The following CAMTA1 variants were observed in gnomAD, a reference collection of about 807,000 sequenced individuals.
CAMTA1 encodes the protein calmodulin-binding transcription activator 1.
A neutral mutation model predicts 170.9 loss-of-function variants in CAMTA1; 27 were observed. The observed-to-expected ratio is 0.16, with a 90% confidence interval of 0.12 to 0.22. The LOEUF (loss-of-function observed/expected upper bound fraction) is 0.22, where lower values mean the gene tolerates loss of function less well. Among genes scored for constraint, CAMTA1 ranks in the 10% least tolerant of loss-of-function variants. CAMTA1 has a pLI of 1.00. For synonymous variants in CAMTA1, 833 were observed against 891.5 expected, an observed-to-expected ratio of 0.93 and a Z score of 1.17; for missense variants, 1,619 against 2,217.2, an observed-to-expected ratio of 0.73 and a Z score of 5.42.
chr1:7,405,667 C>T lies in CAMTA1; in HGVS notation c.439-62163C>T, dbSNP rs774270107. Among the ~76,000 whole-genome samples the T allele has an allele frequency of 1.4e-4, 22 of 152,296 alleles. No homozygotes were observed. In the South Asian group the frequency reaches 2.7e-3, roughly 19 times the overall value. On this transcript the variant is annotated intron_variant, in intron 5 of 22. Transcript: ENST00000303635. The stretch of plus-strand genomic sequence containing the variant: ...GATTACAGGTGTAAGTCACCATACC[C>T]GGCCTGCAACAAGCTTTGATCTTGA...
rs961882570 is a variant in CAMTA1 at position 6,826,609 on chromosome 1, T to C, written c.234+1399T>C. ...GAAACGTAGATTTGATACCAAATTA[T>C]TATACACGTTAGTTCTAGTTTATTT... On this transcript the variant is annotated intron_variant, in intron 3 of 22. Transcript: ENST00000303635. 5.9e-4 allele frequency among the ~76,000 whole-genome samples: 90 copies of C among 152,240 alleles called. 1 individual carries two copies. The highest frequency in any genetic ancestry group is 9.8e-4 in the Admixed American group (15 of 15,282).
intron 3 of CAMTA1, among the ~76,000 whole-genome samples, chr1:6,833,521 C>T (rs1397179718): frequency 6.6e-6 from 1 of 152,158 alleles, no homozygotes; most frequent in Non-Finnish European, 1.5e-5. Context: ...ACATGAGTAT[C>T]ATACTGACTG....
intron 3 of CAMTA1, among the ~76,000 whole-genome samples, chr1:6,878,168 A>G (rs1208527553): frequency 6.6e-6 from 1 of 152,276 alleles, no homozygotes; most frequent in Non-Finnish European, 1.5e-5. Context: ...TGAGAGTAGC[A>G]ACATTCATGG....
At position 6,785,547 on chromosome 1, in the gene CAMTA1, G is replaced by A. The variant is rs745666229; in HGVS notation, c.17G>A (p.Gly6Glu). 48 of 1,080,628 alleles carry A rather than the reference G, an allele frequency of 4.4e-5. No homozygotes were observed. The highest frequency in any genetic ancestry group is 5.4e-5 in the Non-Finnish European group (47 of 874,298). 66.9% of individuals were successfully genotyped at this position (1,080,628 alleles called of 1,614,324 possible). A position where few individuals can be genotyped will look rare whatever the true frequency, so the allele number is the denominator to read the frequency against. MWRAE[G>E]KWLPKTSRKS... ...AGGAGGAGGATGTGGCGCGCGGAGG[G>A]GAAATGGCTGCCGAAAACAAGCCGG... is the stretch of plus-strand genomic sequence containing the variant. Residue 6 changes from glycine (G) to glutamate (E), a missense_variant, in exon 1 of 23, where the codon GGG becomes GAG. Physicochemically the swap from Gly to Glu is moderately conservative, Grantham distance 98. Around this residue, in one of 8 missense-constraint regions of CAMTA1, gnomAD observed 61 missense variants for 57.7 expected, o/e 1.06. Transcript: ENST00000303635.
intron 4 of CAMTA1, among the ~76,000 whole-genome samples, chr1:7,184,822 C>T (rs1032814430): frequency 1.3e-5 from 2 of 152,112 alleles, no homozygotes; most frequent in African/African-American, 2.4e-5. Flanking sequence ...CGAAAGCAGC[C>T]GTATTTCAAA....
chr1:7,370,905 TC>T (rs2086391077), intron 5 of CAMTA1, among the ~76,000 whole-genome samples: 2 of 49,320 alleles, frequency 4.1e-5, no homozygotes, highest in African/African-American at 7.8e-5. Context: ...ACTTTCTTTT[TC>T]TTTCTTTCTT....
At chr1:6,833,088 C>G (rs1390793090) in intron 3 of CAMTA1, among the ~76,000 whole-genome samples, 1 of 152,120 alleles carries the variant, frequency 6.6e-6, no homozygotes, top group Non-Finnish European at 1.5e-5. Context: ...TCCTCCCACA[C>G]AGGTGAGGGG....
At position 6,932,387 on chromosome 1, in the gene CAMTA1, G is replaced by T. The variant is rs1684568059; in HGVS notation, c.234+107177G>T. Among the ~76,000 whole-genome samples the T allele has an allele frequency of 3.3e-5, 5 of 152,192 alleles. 1 individual carries two copies. The highest frequency in any genetic ancestry group is 3.3e-4 in the Admixed American group (5 of 15,278). ...TTTCATTGCTGAGTAGTGTTCTGTTGTATGGATATGAGACAATTTGTCCAT... is the reference window on the plus strand; with the variant it reads ...TTTCATTGCTGAGTAGTGTTCTGTTTTATGGATATGAGACAATTTGTCCAT... On this transcript the variant is annotated intron_variant, in intron 3 of 22. Transcript: ENST00000303635.
chr1:7,637,437 C>A (rs1022759076), intron 6 of CAMTA1, among the ~76,000 whole-genome samples: 1 of 152,236 alleles, frequency 6.6e-6, no homozygotes, highest in African/African-American at 2.4e-5. Flanking sequence ...CAGGCAGGAG[C>A]CCTCAGCCCA....
At chr1:7,208,409 T>C (rs1431107208) in intron 4 of CAMTA1, among the ~76,000 whole-genome samples, 1 of 146,924 alleles carries the variant, frequency 6.8e-6, no homozygotes, top group Non-Finnish European at 1.5e-5. Context: ...TATTGAGTAT[T>C]GGGTACCTTA....
Position 7,250,366 on chromosome 1 carries a change from TTAAC to T in CAMTA1, c.438+743_438+746del, listed in dbSNP as rs145919081. Among the ~76,000 whole-genome samples the T allele has an allele frequency of 1.9e-3, 283 of 152,330 alleles. 6 individuals are homozygous for T. In the East Asian group the frequency reaches 0.025, roughly 14 times the overall value. ...TCAAGGTGAAGTCTTGGCCTGCTGG[TTAAC>T]TAGCATCCACTTCCCTGCGTTCCTA... is the stretch of plus-strand genomic sequence containing the variant. On this transcript the variant is annotated intron_variant, in intron 5 of 22. Coordinates refer to ENST00000303635, the MANE Select transcript of CAMTA1 (RefSeq NM_015215.4).
chr1:7,711,185 G>C (rs568394264), intron 11 of CAMTA1, among the ~76,000 whole-genome samples: 1 of 152,286 alleles, frequency 6.6e-6, no homozygotes, highest in Admixed American at 6.5e-5. Flanking sequence ...ATCCTTACAA[G>C]GTGGAAAGAG....
chr1:7,420,970 C>T (rs2091522763), intron 5 of CAMTA1, among the ~76,000 whole-genome samples: 1 of 152,176 alleles, frequency 6.6e-6, no homozygotes, highest in African/African-American at 2.4e-5. Context: ...CCAGTGGGGG[C>T]TTCTCAGGGG....
intron 5 of CAMTA1, among the ~76,000 whole-genome samples, chr1:7,461,211 G>A (rs562296700): frequency 6.6e-6 from 1 of 152,290 alleles, no homozygotes; most frequent in South Asian, 2.1e-4. Context: ...ATTCAGGCCT[G>A]CCCAGGTAGA....
intron 4 of CAMTA1, among the ~76,000 whole-genome samples, chr1:7,221,314 G>C (rs1177233630): frequency 1.3e-5 from 2 of 151,736 alleles, no homozygotes; most frequent in Non-Finnish European, 1.5e-5. Context: ...TCAAGCACTT[G>C]ATGGGTATTG....
At chr1:6,813,824 T>C (rs1320927613) in intron 1 of CAMTA1, among the ~76,000 whole-genome samples, 1 of 152,062 alleles carries the variant, frequency 6.6e-6, no homozygotes, top group Non-Finnish European at 1.5e-5. Flanking sequence ...TACCAAGACA[T>C]AGCAAATCAA....
At chr1:7,492,437 T>C (rs1344795754) in intron 6 of CAMTA1, among the ~76,000 whole-genome samples, 1 of 152,122 alleles carries the variant, frequency 6.6e-6, no homozygotes, top group African/African-American at 2.4e-5. Flanking sequence ...TCTATGCCCC[T>C]GCCACCAGCC....
intron 5 of CAMTA1, among the ~76,000 whole-genome samples, chr1:7,301,837 C>G (rs1198937265): frequency 6.6e-6 from 1 of 152,144 alleles, no homozygotes; most frequent in African/African-American, 2.4e-5. Context: ...ACAGAGGCCT[C>G]CACCTGTCCA....
At chr1:7,220,708 CA>C (rs1340864511) in intron 4 of CAMTA1, among the ~76,000 whole-genome samples, 1 of 152,202 alleles carries the variant, frequency 6.6e-6, no homozygotes, top group Non-Finnish European at 1.5e-5. Flanking sequence ...GCTGCATTTT[CA>C]AAATGAGAGC....
Sources: gnomAD v4.1 joint callset for allele counts (sites outside exome capture counted in the v4.1 genomes callset) on GRCh38, gnomAD v4.1.1 for gene constraint, gnomAD v4.1.1 regional missense constraint, MANE v1.5 for transcripts, NCBI Gene and HGNC (gene_info 2026-07-23, HGNC 2026-07-21) for gene names.